IRAK1BP1: variants seen among roughly 807,000 people sequenced by gnomAD.
The protein encoded by IRAK1BP1 is interleukin-1 receptor-associated kinase 1-binding protein 1.
In IRAK1BP1, 24 loss-of-function variants were observed where a neutral mutation model predicts 28.0. The ratio of observed to expected loss-of-function variants is 0.86; its 90% CI spans 0.62 to 1.20. IRAK1BP1 has a LOEUF of 1.20. IRAK1BP1 is among the 50% of genes most tolerant of loss of function. The pLI is 0.00. For missense variants in IRAK1BP1, 336 were observed against 316.7 expected (o/e 1.06, Z -0.46); for synonymous variants, 131 against 116.3 (o/e 1.13, Z -0.81).
Position 78,900,320 on chromosome 6 carries a change from A to G in IRAK1BP1, c.*1986A>G, listed in dbSNP as rs1227670532. ...GTCTGTTATGCAGCATAGGCTTTCC[A>G]TTCTCTATACATCTAGGTCATAGAG... is the stretch of plus-strand genomic sequence containing the variant. On this transcript the variant is annotated 3_prime_UTR_variant, in exon 4 of 4. Transcript: ENST00000369940. The G allele has an allele frequency of 1.3e-5, 2 of 152,240 alleles. No homozygotes were observed. Among genetic ancestry groups the G allele is most frequent in the African/African-American group, 4.8e-5 (2 of 41,464 alleles). The allele number at this position is 152,240 out of a possible 1,614,324, so 9.4% of individuals were successfully genotyped here.
chr6:78,963,173 A>C, the IRAK1BP1 span: 1 of 1,612,000 alleles, frequency 6.2e-7, no homozygotes, highest in African/African-American at 1.3e-5. Context: ...CCCATTCTCC[A>C]TCAAGAGGTT....
At chr6:78,868,030 C>T in intron 1 of IRAK1BP1, 139 bp downstream of exon 1, 1 of 859,600 alleles carries the variant, frequency 1.2e-6, no homozygotes. Context: ...TGCAAAGGTA[C>T]TCCGGGACGC....
chr6:78,885,128 C>T (rs1771371322), intron 1 of IRAK1BP1, among the ~76,000 whole-genome samples: 1 of 151,938 alleles, frequency 6.6e-6, no homozygotes. Context: ...ACCATTCAAC[C>T]TTTATACAAA....
intron 2 of IRAK1BP1, among the ~76,000 whole-genome samples, chr6:78,893,216 G>GTTGAAAGCAA (rs1315063160): frequency 6.6e-6 from 1 of 150,380 alleles, no homozygotes; most frequent in Non-Finnish European, 1.5e-5. Flanking sequence ...CAGATTTCTT[G>GTTGAAAGCAA]TTGAAAGCAA....
At position 78,885,300 on chromosome 6, in the gene IRAK1BP1, T is replaced by A. The variant is rs1771377798; in HGVS notation, c.316-78T>A. ...TTTATGTTTTTCTGATTTTAATTAG[T>A]GTAGGTTTCTAATTTATGTTTTAGA... On this transcript the variant is annotated intron_variant, in intron 1 of 3. Transcript: ENST00000369940. 6.5e-6 allele frequency: 5 copies of A among 766,900 alleles called. No individual in the cohort carries two copies. In the South Asian group the frequency reaches 6.8e-5, roughly 10 times the overall value. The allele number at this position is 766,900 out of a possible 1,614,324, so 47.5% of individuals were successfully genotyped here.
chr6:78,894,585 C>T (rs1043428918), intron 2 of IRAK1BP1, among the ~76,000 whole-genome samples: 1 of 152,034 alleles, frequency 6.6e-6, no homozygotes, highest in East Asian at 1.9e-4. Flanking sequence ...AATGATATAA[C>T]TACAAGGAAA....
At chr6:78,972,848 G>C in the IRAK1BP1 span, among the ~76,000 whole-genome samples, 215 of 152,248 alleles carry the variant, frequency 1.4e-3, no homozygotes, top group African/African-American at 4.9e-3. Flanking sequence ...AAAAAGAAAT[G>C]AGCAAAGCCT....
At chr6:78,955,793 G>A in the IRAK1BP1 span, 1 of 491,790 alleles carries the variant, frequency 2.0e-6, no homozygotes, top group Non-Finnish European at 3.7e-6. Flanking sequence ...CTGAAGGCTT[G>A]CTTTCTTCTC....
chr6:78,948,815 C>T (rs1773975791), downstream of IRAK1BP1, among the ~76,000 whole-genome samples: 1 of 152,136 alleles, frequency 6.6e-6, no homozygotes, highest in Non-Finnish European at 1.5e-5. Context: ...AACAGTCCCT[C>T]AGTATGCGAC....
At chr6:78,948,121 T>TTA (rs1189244465), downstream of IRAK1BP1, among the ~76,000 whole-genome samples, 1 of 152,136 alleles carries the variant, frequency 6.6e-6, no homozygotes, top group East Asian at 1.9e-4. Context: ...ACTCAAAACT[T>TTA]TATACTACTT....
chr6:78,938,981 A>G (rs1424391717), intron 4 of IRAK1BP1: 1 of 151,718 alleles, frequency 6.6e-6, no homozygotes, highest in Non-Finnish European at 1.5e-5. Flanking sequence ...ATGCTGATAC[A>G]TATTTTCCCC....
intron 1 of IRAK1BP1, among the ~76,000 whole-genome samples, chr6:78,868,893 T>A (rs1770692262): frequency 6.6e-6 from 1 of 152,212 alleles, no homozygotes; most frequent in African/African-American, 2.4e-5. Context: ...GACATTGAGT[T>A]GGTAAAAGTG....
intron 4 of IRAK1BP1, among the ~76,000 whole-genome samples, chr6:78,924,951 A>T (rs1772846230): frequency 6.6e-6 from 1 of 152,240 alleles, no homozygotes; most frequent in Non-Finnish European, 1.5e-5. Context: ...GGATTAAGAA[A>T]ATGTGGCACA....
chr6:78,948,466 CTATTT>C (rs1773951813), downstream of IRAK1BP1, among the ~76,000 whole-genome samples: 1 of 152,004 alleles, frequency 6.6e-6, no homozygotes, highest in Admixed American at 6.6e-5. Context: ...TCAGAATATG[CTATTT>C]TTTTTTAGCA....
rs1366541186 is a variant in IRAK1BP1 at position 78,942,221 on chromosome 6, G to A, written c.*68-3187G>A. Reference sequence around the variant, plus strand: ...TGGTTGGTCGGGTGCAGTGGCTCACGATTATAATCCCAGCACTCTGGGAGG... The same window carrying A: ...TGGTTGGTCGGGTGCAGTGGCTCACAATTATAATCCCAGCACTCTGGGAGG... On this transcript the variant is annotated intron_variant and NMD_transcript_variant, in intron 4 of 4. Coordinates refer to the IRAK1BP1 transcript ENST00000606868. 5.9e-5 allele frequency among the ~76,000 whole-genome samples: 9 copies of A among 152,178 alleles called. No homozygotes were observed. In the East Asian group the frequency reaches 1.2e-3, roughly 20 times the overall value.
At chr6:78,921,587 A>T (rs1283116308) in intron 4 of IRAK1BP1, among the ~76,000 whole-genome samples, 1 of 152,182 alleles carries the variant, frequency 6.6e-6, no homozygotes, top group Non-Finnish European at 1.5e-5. Flanking sequence ...TGGTTCTCCC[A>T]GCACACAGCT....
chr6:78,961,307 T>C, the IRAK1BP1 span, among the ~76,000 whole-genome samples: 1 of 151,760 alleles, frequency 6.6e-6, no homozygotes, highest in Non-Finnish European at 1.5e-5. Flanking sequence ...TTTTATTATA[T>C]ATTATATTAA....
At chr6:78,933,165 A>G (rs1328882289) in intron 4 of IRAK1BP1, among the ~76,000 whole-genome samples, 3 of 152,288 alleles carry the variant, frequency 2.0e-5, no homozygotes, top group Middle Eastern at 3.4e-3. Flanking sequence ...TCTAGCTATG[A>G]AAGTCCTAGA....
intron 1 of IRAK1BP1, among the ~76,000 whole-genome samples, chr6:78,876,038 A>T (rs1046789828): frequency 6.6e-6 from 1 of 151,916 alleles, no homozygotes; most frequent in African/African-American, 2.4e-5. Flanking sequence ...TTCCCTATTG[A>T]TATGGTTTGG....
Sources: allele counts gnomAD v4.1 joint callset (sites outside exome capture counted in the v4.1 genomes callset), GRCh38; gene constraint gnomAD v4.1.1; transcripts MANE v1.5; gene names NCBI Gene and HGNC (gene_info 2026-07-23, HGNC 2026-07-21).